Variants in MLIP observed in about 807,000 individuals in gnomAD.
MLIP encodes the protein muscular LMNA interacting protein, also known as muscular LMNA-interacting protein.
MLIP carries 79 observed loss-of-function variants against 84.8 expected under a neutral mutation model. That is an observed-to-expected ratio of 0.93 (90% confidence interval 0.78 to 1.12). MLIP has a LOEUF of 1.12. MLIP is among the 50% of genes most tolerant of loss of function. MLIP has a pLI of 0.00. For synonymous variants in MLIP, 504 were observed against 463.0 expected (o/e 1.09, Z -1.14); for missense variants, 1,257 against 1,160.6 (o/e 1.08, Z -1.21).
chr6:54,196,260 C>A (rs763021883), intron 10 of MLIP, among the ~76,000 whole-genome samples: 2 of 152,030 alleles, frequency 1.3e-5, no homozygotes, highest in Non-Finnish European at 2.9e-5. Flanking sequence ...AAAAATGTGC[C>A]ATGGTGATTT....
intron 1 of MLIP, among the ~76,000 whole-genome samples, chr6:54,101,028 T>C (rs1462165356): frequency 1.3e-5 from 2 of 152,186 alleles, no homozygotes; most frequent in African/African-American, 4.8e-5. Context: ...AACAACACTT[T>C]GGTCTAAATG....
At chr6:54,113,554 T>G (rs991125591) in intron 1 of MLIP, among the ~76,000 whole-genome samples, 1 of 152,156 alleles carries the variant, frequency 6.6e-6, no homozygotes, top group Non-Finnish European at 1.5e-5. Context: ...ATGACACATA[T>G]CTTTAAAGGC....
In MLIP at chr6:54,136,831, T is replaced by C. The variant is rs931057812; in HGVS notation, c.762T>C (p.Ser254=). The C allele has an allele frequency of 2.6e-6, 4 of 1,531,480 alleles. No individual in the cohort carries two copies. The highest frequency in any genetic ancestry group is 1.2e-5 in the South Asian group (1 of 83,982). The allele number at this position is 1,531,480 out of a possible 1,614,324, so 94.9% of individuals were successfully genotyped here. ...ACCCAGTTAACCTCGAGGGAGCCTC[T>C]GTCCTAGAGGAGTTCCACACTAGGA... ...PPDPVNLEGA[S]VLEEFHTRRL... Residue 254 remains serine (S), a synonymous_variant, in exon 4 of 14, where the codon TCT becomes TCC. Coordinates refer to ENST00000502396, the MANE Select transcript of MLIP (RefSeq NM_001281747.2).
At chr6:54,041,604 T>C (rs1764745845) in intron 1 of MLIP, among the ~76,000 whole-genome samples, 1 of 152,112 alleles carries the variant, frequency 6.6e-6, no homozygotes, top group Admixed American at 6.6e-5. Context: ...TTCAATATTT[T>C]TTATTATAGT....
intron 12 of MLIP, among the ~76,000 whole-genome samples, chr6:54,249,746 T>TAC (rs1554193585): frequency 5.3e-5 from 8 of 150,322 alleles, no homozygotes; most frequent in Non-Finnish European, 1.0e-4. Flanking sequence ...TATATATATA[T>TAC]ACACACACAC....
intron 1 of MLIP, among the ~76,000 whole-genome samples, chr6:54,113,417 G>A (rs1769643260): frequency 6.6e-6 from 1 of 152,074 alleles, no homozygotes; most frequent in African/African-American, 2.4e-5. Context: ...AAGGCCTGTT[G>A]TATTACGTAT....
At chr6:54,239,758 G>A (rs1374630580) in intron 12 of MLIP, among the ~76,000 whole-genome samples, 1 of 151,894 alleles carries the variant, frequency 6.6e-6, no homozygotes, top group Admixed American at 6.6e-5. Context: ...CTGCACTCCA[G>A]TCTGGGTGAC....
At chr6:54,030,707 A>T (rs1764083564) in intron 1 of MLIP, 3 of 152,106 alleles carry the variant, frequency 2.0e-5, no homozygotes, top group Non-Finnish European at 2.9e-5. Context: ...TTACTTAAGA[A>T]TTTTTCTAAA....
intron 4 of MLIP, among the ~76,000 whole-genome samples, chr6:54,146,546 T>A (rs1772858599): frequency 6.6e-6 from 1 of 152,160 alleles, no homozygotes; most frequent in Admixed American, 6.6e-5. Flanking sequence ...AGGAAGCATA[T>A]TTTGGCTCAA....
At position 54,241,469 on chromosome 6, in the gene MLIP, G is replaced by C. The variant is rs116397212; in HGVS notation, c.2922+10552G>C. Among the ~76,000 whole-genome samples the C allele has an allele frequency of 1.7e-3, 260 of 152,096 alleles. 1 individual carries two copies. Among genetic ancestry groups the C allele is most frequent in the African/African-American group, 5.8e-3 (239 of 41,474 alleles). On this transcript the variant is annotated intron_variant, in intron 12 of 13. Transcript: ENST00000502396. ...TTGGGCCTGAGTGTTTACACATTCA[G>C]TATTCATAGACTTACTGAATCAGAA...
rs764752286 is a variant in MLIP at position 54,160,727 on chromosome 6, C to G, written c.2440-13C>G. On this transcript the variant is annotated splice_polypyrimidine_tract_variant and intron_variant, in intron 7 of 13. Coordinates refer to ENST00000502396, the MANE Select transcript of MLIP (RefSeq NM_001281747.2). ...TTTTCTCTTCTTCTTTCCTTCCTTT[C>G]TTTTTTTTTCAGCATTCTTCTGATT... 1 of 1,534,482 alleles carries G rather than the reference C, an allele frequency of 6.5e-7. No homozygotes were observed. Among genetic ancestry groups the G allele is most frequent in the Non-Finnish European group, 9.0e-7 (1 of 1,111,134 alleles).
At chr6:54,124,999 A>G in intron 3 of MLIP, 134 bp downstream of exon 3, 1 of 667,872 alleles carries the variant, frequency 1.5e-6, no homozygotes, top group Non-Finnish European at 2.3e-6. Context: ...AAAAACCATT[A>G]TCTCAGGGTA....
At chr6:54,239,447 T>C (rs2150831091) in intron 12 of MLIP, among the ~76,000 whole-genome samples, 1 of 150,192 alleles carries the variant, frequency 6.7e-6, no homozygotes, top group South Asian at 2.1e-4. Flanking sequence ...TACAATGTTT[T>C]GTTCTATTTT....
chr6:54,187,225 G>A (rs1442150117), intron 9 of MLIP, among the ~76,000 whole-genome samples: 3 of 152,158 alleles, frequency 2.0e-5, no homozygotes, highest in African/African-American at 7.2e-5. Flanking sequence ...AGGCCCCCAT[G>A]AGGGCAAATG....
At chr6:54,260,016 A>G (rs1442116256) in intron 13 of MLIP, among the ~76,000 whole-genome samples, 2 of 151,908 alleles carry the variant, frequency 1.3e-5, no homozygotes, top group Admixed American at 6.6e-5. Context: ...CAGTGCAAAT[A>G]AAAAATTATG....
intron 1 of MLIP, among the ~76,000 whole-genome samples, chr6:54,050,818 A>G (rs1205848535): frequency 6.6e-6 from 1 of 152,160 alleles, no homozygotes; most frequent in Non-Finnish European, 1.5e-5. Context: ...CTGAAAGGCT[A>G]TTAAAGATGG....
At chr6:54,068,058 T>TCCTTCCTTCCTC (rs1766299970) in intron 1 of MLIP, among the ~76,000 whole-genome samples, 1 of 68,060 alleles carries the variant, frequency 1.5e-5, no homozygotes, top group Non-Finnish European at 4.7e-5. Flanking sequence ...CTTCCTTCCT[T>TCCTTCCTTCCTC]CCTTCCTTCC....
At chr6:54,083,323 T>C in intron 1 of MLIP, 1 of 651,606 alleles carries the variant, frequency 1.5e-6, no homozygotes, top group Non-Finnish European at 2.4e-6. Context: ...CTTAGAACAC[T>C]GCTAAGGTCA....
intron 13 of MLIP, among the ~76,000 whole-genome samples, chr6:54,264,921 A>G (rs1275391542): frequency 2.6e-5 from 4 of 152,152 alleles, no homozygotes; most frequent in African/African-American, 7.2e-5. Context: ...ACTTTCTCAT[A>G]ATAATGCAGA....
Sources: gnomAD v4.1 joint callset for allele counts (sites outside exome capture counted in the v4.1 genomes callset) on GRCh38, gnomAD v4.1.1 for gene constraint, MANE v1.5 for transcripts, NCBI Gene and HGNC (gene_info 2026-07-23, HGNC 2026-07-21) for gene names.